FAM184A: variants seen among roughly 807,000 people sequenced by gnomAD.
FAM184A encodes the protein family with sequence similarity 184 member A.
In FAM184A, 99 loss-of-function variants were observed where a neutral mutation model predicts 143.8. The observed-to-expected ratio is 0.69, with a 90% CI of 0.58 to 0.81. The LOEUF (loss-of-function observed/expected upper bound fraction) is 0.81. Among genes scored for constraint, FAM184A ranks in the 40% least tolerant of loss-of-function variants. The pLI, the probability that FAM184A is intolerant of heterozygous loss-of-function variation, is 0.00. For missense variants in FAM184A, 1,217 were observed against 1,310.5 expected (o/e 0.93, Z 1.10); for synonymous variants, 427 against 446.4 (o/e 0.96, Z 0.55).
rs549933752 is a variant in FAM184A at position 119,087,709 on chromosome 6, A to G, written c.-202+61369T>C. 3.9e-5 allele frequency among the ~76,000 whole-genome samples: 6 copies of G among 152,344 alleles called. No homozygotes were observed. In the East Asian group the frequency reaches 7.7e-4, roughly 20 times the overall value. On this transcript the variant is annotated intron_variant, in intron 1 of 16. Transcript: ENST00000352896. ...AGTATGCTGGTTCCTCAGAAAATTG[A>G]CAGAATTACTGTATGATTCAGAAAT...
intron 11 of FAM184A, 106 bp from the exon 12 acceptor site, chr6:118,976,150 G>T: frequency 1.0e-6 from 1 of 997,244 alleles, no homozygotes; most frequent in South Asian, 1.6e-5. Flanking sequence ...TAGAACACTT[G>T]TGTATGTCCA....
chr6:119,136,478 T>G (rs1789670162), intron 1 of FAM184A, among the ~76,000 whole-genome samples: 1 of 152,074 alleles, frequency 6.6e-6, no homozygotes, highest in African/African-American at 2.4e-5. Flanking sequence ...GCAGCGCAGA[T>G]TTGATAGACC....
chr6:119,132,773 C>T (rs575599533), intron 1 of FAM184A, among the ~76,000 whole-genome samples: 22 of 152,330 alleles, frequency 1.4e-4, no homozygotes, highest in Middle Eastern at 3.4e-3. Context: ...GAAGTTGGCA[C>T]GTGAGGTGAA....
At chr6:119,147,923 C>T (rs542956095) in intron 1 of FAM184A, among the ~76,000 whole-genome samples, 20 of 152,364 alleles carry the variant, frequency 1.3e-4, no homozygotes, top group African/African-American at 4.8e-4. Flanking sequence ...CACTCTAAAG[C>T]TTTCCCAGTG....
intron 1 of FAM184A, among the ~76,000 whole-genome samples, chr6:119,100,874 G>A (rs985216367): frequency 1.1e-4 from 16 of 151,550 alleles, no homozygotes; most frequent in African/African-American, 3.6e-4. Flanking sequence ...CAGGAGAATC[G>A]CTTAAACGCG....
rs181909678 is a variant in FAM184A, at chr6:119,003,139, T to C, written c.1938-90A>G. On this transcript the variant is annotated intron_variant, in intron 8 of 17. Transcript: ENST00000338891. Reference sequence around the variant, plus strand: ...TCTACAGGTTTTTTAAGCGCTTAATTAATCCTCTTCAAAAGTCTATGATGC... The same window carrying C: ...TCTACAGGTTTTTTAAGCGCTTAATCAATCCTCTTCAAAAGTCTATGATGC... 35 of 1,161,200 alleles carry C rather than the reference T, an allele frequency of 3.0e-5. No individual in the cohort carries two copies. In the African/African-American group the frequency reaches 3.9e-4, roughly 13 times the overall value. The allele number at this position is 1,161,200 out of a possible 1,614,324, so 71.9% of individuals were successfully genotyped here. A position where few individuals can be genotyped will look rare whatever the true frequency, so the allele number is the denominator to read the frequency against.
intron 1 of FAM184A, among the ~76,000 whole-genome samples, chr6:119,103,328 A>G (rs554895037): frequency 1.3e-4 from 20 of 152,342 alleles, no homozygotes; most frequent in African/African-American, 4.6e-4. Flanking sequence ...AAATCTATTT[A>G]CTGACTACTT....
At chr6:119,144,775 G>A (rs1772367455) in intron 1 of FAM184A, among the ~76,000 whole-genome samples, 1 of 152,222 alleles carries the variant, frequency 6.6e-6, no homozygotes, top group African/African-American at 2.4e-5. Flanking sequence ...GTGCTGAGCT[G>A]CTGCCAGCTC....
intron 6 of FAM184A, among the ~76,000 whole-genome samples, chr6:119,010,980 A>T (rs1456768882): frequency 6.6e-6 from 1 of 152,152 alleles, no homozygotes; most frequent in African/African-American, 2.4e-5. Flanking sequence ...TTTCTGTTGA[A>T]ATTGTAGAAA....
At chr6:119,136,430 A>G (rs1764192573) in intron 1 of FAM184A, among the ~76,000 whole-genome samples, 1 of 152,166 alleles carries the variant, frequency 6.6e-6, no homozygotes, top group Non-Finnish European at 1.5e-5. Flanking sequence ...TTAGTTGCAT[A>G]ATGATATCAA....
intron 1 of FAM184A, among the ~76,000 whole-genome samples, chr6:119,128,774 C>A (rs1003100813): frequency 6.6e-6 from 1 of 152,104 alleles, no homozygotes; most frequent in Non-Finnish European, 1.5e-5. Context: ...AGGTATTTTA[C>A]CCCCAAATAT....
rs1452947821 is a variant in FAM184A at position 119,096,591 on chromosome 6, G to C, written c.-202+52487C>G. 2.4e-4 allele frequency among the ~76,000 whole-genome samples: 7 copies of C among 28,634 alleles called. 1 individual carries two copies. Among genetic ancestry groups the C allele is most frequent in the Non-Finnish European group, 4.7e-4 (7 of 15,010 alleles). The allele number at this position is 28,634 out of a possible 152,430, so 18.8% of individuals were successfully genotyped here. On this transcript the variant is annotated intron_variant, in intron 1 of 16. Coordinates refer to the FAM184A transcript ENST00000352896. ...GCGGAGCTTGCAGTGAGCCGAGATT[G>C]CGCCACTGCAGTCCGCAGTCCGGCC... is the stretch of plus-strand genomic sequence containing the variant.
Position 119,024,603 on chromosome 6 carries a change from G to A in FAM184A, c.370C>T (p.Gln124Ter). 6.2e-7 allele frequency: 1 copy of A among 1,614,110 alleles called. No individual in the cohort carries two copies. The change falls in exon 2 of 18, where the codon CAG (glutamine) becomes TAG (stop). Residue 124 changes from glutamine (Q) to a stop codon, truncating the protein, a stop_gained. Transcript: ENST00000338891. LOFTEE classifies it high-confidence loss of function. ...SLEDHIKMKQ[Q>*]ALTEFEAYKH... ...TAAGCTTCAAATTCTGTCAAAGCCT[G>A]CTGCTTCATTTTTATGTGATCTTCT...
intron 1 of FAM184A, among the ~76,000 whole-genome samples, chr6:119,116,016 C>T (rs940647371): frequency 2.0e-5 from 3 of 150,856 alleles, no homozygotes; most frequent in Non-Finnish European, 4.4e-5. Context: ...CATACACACA[C>T]ACAACGAGAG....
chr6:119,131,655 T>A (rs753710091), intron 1 of FAM184A, among the ~76,000 whole-genome samples: 71 of 152,178 alleles, frequency 4.7e-4, no homozygotes, highest in Non-Finnish European at 6.3e-4. Flanking sequence ...TAGACTAATT[T>A]AAAAAATTTT....
At chr6:119,127,973 G>C (rs997518361) in intron 1 of FAM184A, among the ~76,000 whole-genome samples, 1 of 152,146 alleles carries the variant, frequency 6.6e-6, no homozygotes, top group Non-Finnish European at 1.5e-5. Flanking sequence ...TGGACCCCCT[G>C]CTTGGCCCAG....
chr6:119,103,643 G>A (rs13196616), intron 1 of FAM184A, among the ~76,000 whole-genome samples: 56,881 of 140,866 alleles, frequency 0.4, 12,576 homozygotes, highest in East Asian at 0.63. Flanking sequence ...AAGAGAGAGA[G>A]GAGGCCAGGC....
chr6:118,962,093 A>T (rs1489968348), intron 16 of FAM184A, 130 bp from the exon 17 acceptor site: 2 of 802,208 alleles, frequency 2.5e-6, no homozygotes, highest in Non-Finnish European at 4.1e-6. Flanking sequence ...ATGTTAATTA[A>T]CCAGTGTTAC....
chr6:119,017,677 A>G (rs1023640026), intron 4 of FAM184A, among the ~76,000 whole-genome samples: 4 of 152,216 alleles, frequency 2.6e-5, no homozygotes, highest in African/African-American at 4.8e-5. Context: ...ATATAGTTTT[A>G]TAAGTTCTAT....
Sources: gnomAD v4.1 joint callset for allele counts (sites outside exome capture counted in the v4.1 genomes callset) on GRCh38, gnomAD v4.1.1 for gene constraint, MANE v1.5 for transcripts, NCBI Gene and HGNC (gene_info 2026-07-23, HGNC 2026-07-21) for gene names.